TMEM232: variants seen among roughly 807,000 people sequenced by gnomAD.
TMEM232 encodes transmembrane protein 232.
A neutral mutation model predicts 78.8 loss-of-function variants in TMEM232; 80 were observed. The observed-to-expected ratio is 1.01, with a 90% CI of 0.85 to 1.22. The LOEUF is 1.22. Ranked by LOEUF, TMEM232 falls within the 50% of genes most tolerant of loss-of-function variation. The pLI is 0.00. For missense variants in TMEM232, 881 were observed against 742.2 expected (o/e 1.19, Z -2.17); for synonymous variants, 297 against 254.3 (o/e 1.17, Z -1.60).
chr5:110,671,969 CT>C (rs1791407889), intron 1 of TMEM232, among the ~76,000 whole-genome samples: 3 of 151,898 alleles, frequency 2.0e-5, no homozygotes, highest in Non-Finnish European at 4.4e-5. Context: ...GTTAGAAATA[CT>C]CTTAGATAAA....
chr5:110,579,223 T>A (rs1479140754), intron 10 of TMEM232, among the ~76,000 whole-genome samples: 2 of 149,508 alleles, frequency 1.3e-5, no homozygotes, highest in Non-Finnish European at 3.0e-5. Context: ...AGAAAAAAAA[T>A]CTGCCAGGAA....
chr5:110,616,722 T>C (rs1156520945), intron 8 of TMEM232, among the ~76,000 whole-genome samples: 2 of 151,974 alleles, frequency 1.3e-5, no homozygotes, highest in Non-Finnish European at 2.9e-5. Context: ...TCACTAATCA[T>C]AAGGGAAAGG....
At chr5:110,596,225 A>T (rs1780145331) in intron 10 of TMEM232, among the ~76,000 whole-genome samples, 1 of 152,230 alleles carries the variant, frequency 6.6e-6, no homozygotes, top group Admixed American at 6.5e-5. Context: ...ATCAGAGAAT[A>T]CTACAAACAC....
chr5:110,653,499 C>T (rs559607445), intron 2 of TMEM232, among the ~76,000 whole-genome samples: 24 of 152,252 alleles, frequency 1.6e-4, no homozygotes, highest in African/African-American at 5.1e-4. Context: ...GGCAGGAACT[C>T]GAAAGGACAG....
intron 12 of TMEM232, among the ~76,000 whole-genome samples, chr5:110,434,074 T>TA (rs1358942448): frequency 2.1e-5 from 3 of 143,660 alleles, no homozygotes; most frequent in Non-Finnish European, 4.6e-5. Flanking sequence ...CAGAAGAAAA[T>TA]AAAATAAATG....
intron 10 of TMEM232, among the ~76,000 whole-genome samples, chr5:110,586,720 A>G (rs1048511231): frequency 6.6e-6 from 1 of 152,108 alleles, no homozygotes; most frequent in East Asian, 1.9e-4. Flanking sequence ...GAGCACAGTA[A>G]CACAAAACAG....
In TMEM232 at chr5:110,618,446, C is replaced by A. The variant is rs184093273; in HGVS notation, c.885G>T (p.Gln295His). The A allele has an allele frequency of 7.6e-5, 118 of 1,550,756 alleles. No individual in the cohort carries two copies. The African/African-American group carries it at 1.5e-3, about 20-fold the overall frequency. ...ACTCTTACCAGCATTTCTTTTGAAG[C>A]TGTGTCTTATGGAAGACGAGATGTT... ...VLEHLVFHKT[Q>H]LQKKCWLDSV... The change falls in exon 8 of 14, where the codon CAG becomes CAT. Residue 295 changes from glutamine (Q) to histidine (H), a missense_variant. Coordinates refer to ENST00000455884, the MANE Select transcript of TMEM232 (RefSeq NM_001039763.4).
At chr5:110,723,591 T>C (rs1322313608) in intron 1 of TMEM232, among the ~76,000 whole-genome samples, 1 of 152,212 alleles carries the variant, frequency 6.6e-6, no homozygotes. Context: ...GCATTACTTC[T>C]GTTTACACAA....
chr5:110,561,409 A>G (rs917037918), intron 11 of TMEM232, among the ~76,000 whole-genome samples: 1 of 151,978 alleles, frequency 6.6e-6, no homozygotes, highest in Non-Finnish European at 1.5e-5. Flanking sequence ...GTATATATAT[A>G]TATGTATATA....
intron 2 of TMEM232, among the ~76,000 whole-genome samples, chr5:110,649,764 T>A (rs1788036158): frequency 6.6e-6 from 1 of 152,118 alleles, no homozygotes; most frequent in East Asian, 1.9e-4. Context: ...TGGCATGCAT[T>A]TTTATATATT....
intron 10 of TMEM232, among the ~76,000 whole-genome samples, chr5:110,598,735 A>G (rs1033025862): frequency 2.5e-4 from 38 of 151,806 alleles, no homozygotes; most frequent in Non-Finnish European, 4.9e-4. Context: ...ATTGGAAATT[A>G]TCATTCTCAG....
chr5:110,513,212 T>C (rs1292976557), intron 12 of TMEM232, among the ~76,000 whole-genome samples: 1 of 152,162 alleles, frequency 6.6e-6, no homozygotes, highest in African/African-American at 2.4e-5. Context: ...CGAAGCATAG[T>C]TCTGGCATTA....
intron 8 of TMEM232, among the ~76,000 whole-genome samples, chr5:110,611,649 T>C (rs1267283380): frequency 1.3e-5 from 2 of 152,142 alleles, no homozygotes; most frequent in African/African-American, 4.8e-5. Context: ...AGACACTGAT[T>C]GGGGCTGCAG....
chr5:110,555,854 T>C (rs188238205), intron 11 of TMEM232, among the ~76,000 whole-genome samples: 1 of 152,290 alleles, frequency 6.6e-6, no homozygotes, highest in Admixed American at 6.5e-5. Flanking sequence ...TCATAGGCCT[T>C]CCTCCATCCT....
At chr5:110,620,627 CTCTCTCTCTCT>C (rs1783562524) in intron 7 of TMEM232, among the ~76,000 whole-genome samples, 6 of 104,594 alleles carry the variant, frequency 5.7e-5, no homozygotes, top group Non-Finnish European at 7.7e-5. Context: ...CTCTCTCTCT[CTCTCTCTCTCT>C]CCTCTCTCCT....
intron 11 of TMEM232, among the ~76,000 whole-genome samples, chr5:110,555,797 C>A (rs759873404): frequency 6.6e-6 from 1 of 151,818 alleles, no homozygotes; most frequent in Non-Finnish European, 1.5e-5. Flanking sequence ...ATCCGTTTTG[C>A]CTGAAATTAG....
intron 1 of TMEM232, among the ~76,000 whole-genome samples, chr5:110,711,613 A>G (rs1796488244): frequency 1.3e-5 from 2 of 152,188 alleles, no homozygotes; most frequent in South Asian, 4.1e-4. Context: ...CAGAAGAGAG[A>G]ATCCAGAAAC....
rs895589151 is a variant in TMEM232 at position 110,638,358 on chromosome 5, G to C, written c.344-3C>G. On this transcript the variant is annotated splice_polypyrimidine_tract_variant and splice_region_variant and intron_variant, in intron 4 of 13. Transcript: ENST00000455884. Reference sequence around the variant, plus strand: ...TGCATAAAGCATATTTAAAGATTCTGAAATATTAAAAATATAGAAACTGCA... The same window carrying C: ...TGCATAAAGCATATTTAAAGATTCTCAAATATTAAAAATATAGAAACTGCA... 23 of 1,525,558 alleles carry C rather than the reference G, an allele frequency of 1.5e-5. No individual in the cohort carries two copies. In the East Asian group the frequency reaches 4.9e-4, roughly 33 times the overall value. The allele number at this position is 1,525,558 out of a possible 1,614,324, so 94.5% of individuals were successfully genotyped here. A position where few individuals can be genotyped will look rare whatever the true frequency, so the allele number is the denominator to read the frequency against.
chr5:110,576,288 T>G (rs1183874776), intron 10 of TMEM232, among the ~76,000 whole-genome samples: 1 of 151,786 alleles, frequency 6.6e-6, no homozygotes, highest in Non-Finnish European at 1.5e-5. Flanking sequence ...TTCACAAGTG[T>G]CACAAAAAGA....
Sources: allele counts gnomAD v4.1 joint callset (sites outside exome capture counted in the v4.1 genomes callset), GRCh38; gene constraint gnomAD v4.1.1; transcripts MANE v1.5; gene names NCBI Gene and HGNC (gene_info 2026-07-23, HGNC 2026-07-21).